Variants in GFRA2 observed in about 807,000 individuals in gnomAD.
GFRA2 encodes the protein GDNF family receptor alpha 2.
GFRA2 carries 17 observed loss-of-function variants against 48.3 expected under a neutral mutation model. The ratio of observed to expected loss-of-function variants is 0.35; its 90% CI spans 0.24 to 0.53. GFRA2 has a LOEUF of 0.53. Among genes scored for constraint, GFRA2 ranks in the 20% least tolerant of loss-of-function variants. The pLI, the probability that GFRA2 is intolerant of heterozygous loss-of-function variation, is 0.93. For missense variants in GFRA2, 660 were observed against 637.3 expected, an observed-to-expected ratio of 1.04 and a Z score of -0.38; for synonymous variants, 305 against 257.2, an observed-to-expected ratio of 1.19 and a Z score of -1.78.
At chr8:21,729,104 C>G (rs1280506710) in intron 4 of GFRA2, among the ~76,000 whole-genome samples, 3 of 152,210 alleles carry the variant, frequency 2.0e-5, no homozygotes, top group Non-Finnish European at 4.4e-5. Context: ...TCATCTCTGT[C>G]TCCCTGGGCC....
At chr8:21,734,492 C>G (rs571245653) in intron 4 of GFRA2, among the ~76,000 whole-genome samples, 4 of 152,172 alleles carry the variant, frequency 2.6e-5, no homozygotes, top group African/African-American at 7.2e-5. Context: ...CAGTGGTTCT[C>G]TTTTTTTTCC....
chr8:21,803,076 A>C (rs1472242071), intron 2 of GFRA2, among the ~76,000 whole-genome samples: 1 of 152,238 alleles, frequency 6.6e-6, no homozygotes, highest in Non-Finnish European at 1.5e-5. Context: ...TCAGAGGGTT[A>C]ACACCGCAAA....
chr8:21,797,287 C>CTTTTTTTTTTTTTT lies in GFRA2; in HGVS notation c.-36+7716_-36+7729dup, dbSNP rs1159867192. On this transcript the variant is annotated intron_variant, in intron 2 of 10. Transcript: ENST00000517328. ...TCTTTCTTTTTTTTTCCTTTCTTTG[C>CTTTTTTTTTTTTTT]TTTTTTTTTTTTTTTTTTTTTTTGA... Among the ~76,000 whole-genome samples the CTTTTTTTTTTTTTT allele has an allele frequency of 1.8e-4, 15 of 85,644 alleles. 1 individual carries two copies. The highest frequency in any genetic ancestry group is 4.2e-4 in the South Asian group (1 of 2,366). 56.2% of individuals were successfully genotyped at this position (85,644 alleles called of 152,430 possible). A position where few individuals can be genotyped will look rare whatever the true frequency, so the allele number is the denominator to read the frequency against.
intron 4 of GFRA2, among the ~76,000 whole-genome samples, chr8:21,746,449 T>A (rs1805010165): frequency 6.6e-6 from 1 of 152,168 alleles, no homozygotes; most frequent in African/African-American, 2.4e-5. Context: ...ATTGGAAGAA[T>A]GCCCTGCTTC....
chr8:21,745,279 G>T (rs530421639), intron 4 of GFRA2, among the ~76,000 whole-genome samples: 1 of 152,316 alleles, frequency 6.6e-6, no homozygotes, highest in South Asian at 2.1e-4. Context: ...CCTGCAGGAG[G>T]CCTGGGCATC....
intron 3 of GFRA2, among the ~76,000 whole-genome samples, chr8:21,758,483 C>T (rs555385508): frequency 6.6e-6 from 1 of 152,242 alleles, no homozygotes; most frequent in South Asian, 2.1e-4. Flanking sequence ...GAAACTGCCC[C>T]TCATCCCATT....
At chr8:21,744,155 CACTGCCTGAAGAT>C (rs1378156800) in intron 4 of GFRA2, among the ~76,000 whole-genome samples, 1 of 152,178 alleles carries the variant, frequency 6.6e-6, no homozygotes, top group Non-Finnish European at 1.5e-5. Flanking sequence ...TGTCCATCCA[CACTGCCTGAAGAT>C]ACTGAACACC....
At chr8:21,714,048 G>A (rs1253513962) in intron 4 of GFRA2, among the ~76,000 whole-genome samples, 1 of 152,040 alleles carries the variant, frequency 6.6e-6, no homozygotes, top group African/African-American at 2.4e-5. Flanking sequence ...AGTTACACTT[G>A]GATACATACT....
At chr8:21,726,710 T>G (rs1803887734) in intron 4 of GFRA2, among the ~76,000 whole-genome samples, 1 of 152,010 alleles carries the variant, frequency 6.6e-6, no homozygotes, top group Non-Finnish European at 1.5e-5. Flanking sequence ...CCCACCCTAA[T>G]GTGGTATGAT....
At chr8:21,768,019 C>T (rs1206492133) in intron 3 of GFRA2, among the ~76,000 whole-genome samples, 2 of 152,338 alleles carry the variant, frequency 1.3e-5, no homozygotes, top group East Asian at 1.9e-4. Flanking sequence ...CCTCCAGCTC[C>T]GCCACCTGCG....
intron 4 of GFRA2, among the ~76,000 whole-genome samples, chr8:21,741,499 T>A (rs1192768541): frequency 1.3e-5 from 2 of 152,140 alleles, no homozygotes; most frequent in East Asian, 1.9e-4. Context: ...GTGTGCTTGC[T>A]CACCATCTGC....
rs1442366569 is a variant in GFRA2 at position 21,774,976 on chromosome 8, G to A, written c.435C>T (p.Phe145=). Residue 145 remains phenylalanine, a synonymous_variant, in exon 3 of 9, where the codon TTC becomes TTT. Transcript: ENST00000524240. ...LSDIFRLASI[F]SGTGADPVVS... ...TCCCAGTGCGAGCTCACTTACCTGA[G>A]AAGATTGAAGCAAGCCTGAAGATGT... 1 of 1,579,394 alleles carries A rather than the reference G, an allele frequency of 6.3e-7. No homozygotes were observed. Among genetic ancestry groups the A allele is most frequent in the Non-Finnish European group, 8.7e-7 (1 of 1,148,780 alleles).
At chr8:21,792,911 A>T (rs1807600977), upstream of GFRA2, among the ~76,000 whole-genome samples, 1 of 139,974 alleles carries the variant, frequency 7.1e-6, no homozygotes, top group Non-Finnish European at 1.5e-5. Flanking sequence ...CAAAAAATAC[A>T]AAAAACATAT....
chr8:21,702,672 C>T (rs1802538787), intron 7 of GFRA2, 133 bp downstream of exon 7: 6 of 784,988 alleles, frequency 7.6e-6, no homozygotes, highest in Admixed American at 3.4e-5. Flanking sequence ...GAATGACCCC[C>T]GGCAGCTCCT....
Position 21,776,692 on chromosome 8 carries a change from A to G in GFRA2, c.356-1637T>C, listed in dbSNP as rs901040827. ...CACCATGTTGGCCAGGCTGGTCTCA[A>G]ACTCCTGACCTCAAGCGATCTGTGC... On this transcript the variant is annotated intron_variant, in intron 2 of 8. Transcript: ENST00000524240. 3.6e-3 allele frequency among the ~76,000 whole-genome samples: 542 copies of G among 152,122 alleles called. 2 individuals carry two copies. The highest frequency in any genetic ancestry group is 0.013 in the African/African-American group (520 of 41,510).
intron 4 of GFRA2, among the ~76,000 whole-genome samples, chr8:21,732,629 C>G (rs913558318): frequency 6.6e-6 from 1 of 152,228 alleles, no homozygotes; most frequent in Non-Finnish European, 1.5e-5. Flanking sequence ...GTCTGAGTCC[C>G]GTGAGCCCAG....
chr8:21,714,573 C>A (rs35713779), intron 4 of GFRA2, among the ~76,000 whole-genome samples: 9 of 152,188 alleles, frequency 5.9e-5, no homozygotes, highest in African/African-American at 2.2e-4. Context: ...TGTTATGTCA[C>A]TTCCATGGAA....
At chr8:21,756,895 C>A (rs989193857) in intron 3 of GFRA2, among the ~76,000 whole-genome samples, 1 of 152,160 alleles carries the variant, frequency 6.6e-6, no homozygotes, top group Admixed American at 6.5e-5. Flanking sequence ...GAACTCAACA[C>A]GTGCTCCAGC....
At chr8:21,774,903 C>T in intron 3 of GFRA2, 69 bp downstream of exon 3, 1 of 863,866 alleles carries the variant, frequency 1.2e-6, no homozygotes, top group Non-Finnish European at 2.0e-6. Context: ...TGTCCAAGCC[C>T]AGAGCTCCAT....
Sources: gnomAD v4.1 joint callset for allele counts (sites outside exome capture counted in the v4.1 genomes callset) on GRCh38, gnomAD v4.1.1 for gene constraint, MANE v1.5 for transcripts, NCBI Gene and HGNC (gene_info 2026-07-23, HGNC 2026-07-21) for gene names.